UHMK1: variants seen among roughly 807,000 people sequenced by gnomAD.
UHMK1 encodes the protein serine/threonine-protein kinase Kist.
Under a neutral mutation model 44.0 loss-of-function variants are expected in UHMK1, and 18 were observed. The observed-to-expected ratio is 0.41, with a 90% CI of 0.28 to 0.61. The LOEUF (loss-of-function observed/expected upper bound fraction) is 0.61. Ranked by LOEUF, UHMK1 falls within the 20% of genes least tolerant of loss-of-function variation. UHMK1 has a pLI of 0.31. For synonymous variants in UHMK1, 231 were observed against 198.5 expected (o/e 1.16, Z -1.38); for missense variants, 463 against 522.5 (o/e 0.89, Z 1.11).
Position 162,523,306 on chromosome 1 carries a change from C to T in UHMK1, c.*756C>T, listed in dbSNP as rs565057090. On this transcript the variant is annotated 3_prime_UTR_variant, in exon 8 of 8. Coordinates refer to ENST00000489294, the MANE Select transcript of UHMK1 (RefSeq NM_175866.5). ...AATACAGTCTATACTTATTTCTTCC[C>T]TACCTGTTTCACATCCGTAAGATTT... 6.6e-6 allele frequency: 1 copy of T among 152,656 alleles called. No individual in the cohort carries two copies. The highest frequency in any genetic ancestry group is 2.1e-4 in the South Asian group (1 of 4,822). The allele number at this position is 152,656 out of a possible 1,614,324, so 9.5% of individuals were successfully genotyped here.
intron 3 of UHMK1, among the ~76,000 whole-genome samples, chr1:162,502,819 G>A (rs536897439): frequency 6.6e-6 from 1 of 152,254 alleles, no homozygotes; most frequent in Non-Finnish European, 1.5e-5. Flanking sequence ...CTAAGCCATA[G>A]TTTGCTTTCT....
At chr1:162,505,875 G>A (rs1651449434) in intron 4 of UHMK1, among the ~76,000 whole-genome samples, 1 of 152,110 alleles carries the variant, frequency 6.6e-6, no homozygotes, top group Non-Finnish European at 1.5e-5. Flanking sequence ...CAGACTCACA[G>A]GACTTTGCAA....
At position 162,512,881 on chromosome 1, in the gene UHMK1, CAT is replaced by C. The variant is rs768408172; in HGVS notation, c.1024+61_1024+62del. ...CTTTCTTAAATAAGTCTAGAATAAA[CAT>C]ATCCGTAACATTTTCATATTTCTCA... On this transcript the variant is annotated intron_variant, in intron 6 of 7. Transcript: ENST00000489294. The C allele has an allele frequency of 1.1e-4, 164 of 1,453,008 alleles. 1 individual carries two copies. The highest frequency in any genetic ancestry group is 1.1e-3 in the Middle Eastern group (6 of 5,688). 90.0% of individuals were successfully genotyped at this position (1,453,008 alleles called of 1,614,324 possible).
intron 7 of UHMK1, 116 bp from the exon 8 acceptor site, chr1:162,522,288 C>G (rs1306102222): frequency 8.8e-6 from 11 of 1,245,656 alleles, no homozygotes; most frequent in Non-Finnish European, 1.2e-5. Flanking sequence ...CCTAAGGAAG[C>G]AAAATCTGCA....
intron 1 of UHMK1, 30 bp downstream of exon 1, chr1:162,498,298 G>A: frequency 6.4e-7 from 1 of 1,559,140 alleles, no homozygotes; most frequent in Non-Finnish European, 8.7e-7. Context: ...TTCTCTTCTT[G>A]CCCAGGTCAC....
In UHMK1 at chr1:162,527,831, T is replaced by G. The variant is rs1346799528; in HGVS notation, c.*5281T>G. 2 of 152,048 alleles carry G rather than the reference T, an allele frequency of 1.3e-5. No homozygotes were observed. Among genetic ancestry groups the G allele is most frequent in the African/African-American group, 4.8e-5 (2 of 41,438 alleles). 9.4% of individuals were successfully genotyped at this position (152,048 alleles called of 1,614,324 possible). On this transcript the variant is annotated 3_prime_UTR_variant, in exon 8 of 8. Transcript: ENST00000489294. ...TTCTACTTATTTGTCTTATAAACCA[T>G]TAATCGTTTTTTGTGCAGAAGAGAG...
chr1:162,519,325 A>AC (rs1292902865), intron 7 of UHMK1, among the ~76,000 whole-genome samples: 2 of 151,648 alleles, frequency 1.3e-5, no homozygotes, highest in South Asian at 2.1e-4. Flanking sequence ...TAAAAAAAAA[A>AC]AAAACAGTAA....
chr1:162,499,504 TG>T (rs975890492), intron 1 of UHMK1, among the ~76,000 whole-genome samples: 67 of 152,258 alleles, frequency 4.4e-4, no homozygotes, highest in African/African-American at 1.5e-3. Context: ...ATGTTTAGTT[TG>T]GTTTTTGCGC....
chr1:162,503,080 C>T (rs947790406), intron 3 of UHMK1, among the ~76,000 whole-genome samples: 5 of 152,084 alleles, frequency 3.3e-5, no homozygotes, highest in Admixed American at 6.6e-5. Flanking sequence ...GCATCATATT[C>T]GCTTTGATAG....
chr1:162,512,586 GTATTCTTT>G lies in UHMK1; in HGVS notation c.925+15_925+22del, dbSNP rs1651704990. 1 of 1,608,022 alleles carries G rather than the reference GTATTCTTT, an allele frequency of 6.2e-7. No individual in the cohort carries two copies. Among genetic ancestry groups the G allele is most frequent in the East Asian group, 2.2e-5 (1 of 44,826 alleles). Reference sequence around the variant, plus strand: ...TTTAGCATTCCTTTTGGTAAGTTGTGTATTCTTTTATTTTTTTCTTGGTCATTTGACAG... The same window carrying G: ...TTTAGCATTCCTTTTGGTAAGTTGTGTATTTTTTTCTTGGTCATTTGACAG... On this transcript the variant is annotated intron_variant, in intron 5 of 7. Coordinates refer to ENST00000489294, the MANE Select transcript of UHMK1 (RefSeq NM_175866.5).
Position 162,512,793 on chromosome 1 carries a change from G to T in UHMK1, c.994G>T (p.Asp332Tyr). ...VLRLLNVLDD[D>Y]YLENEEEYED... ...AAGACTGCTGAATGTGCTGGATGAT[G>T]ATTATCTTGAGAATGAAGAGGAATA... Residue 332 changes from aspartate (D) to tyrosine (Y), a missense_variant, in exon 6 of 8, where the codon GAT becomes TAT. Coordinates refer to ENST00000489294, the MANE Select transcript of UHMK1 (RefSeq NM_175866.5). 1.2e-6 allele frequency: 2 copies of T among 1,614,086 alleles called. No individual in the cohort carries two copies. Among genetic ancestry groups the T allele is most frequent in the South Asian group, 2.2e-5 (2 of 91,072 alleles).
rs577834976 is a variant in UHMK1, at chr1:162,523,643, A to C, written c.*1093A>C. The C allele has an allele frequency of 2.6e-5, 4 of 152,458 alleles. No individual in the cohort carries two copies. The highest frequency in any genetic ancestry group is 9.7e-5 in the African/African-American group (4 of 41,442). 9.4% of individuals were successfully genotyped at this position (152,458 alleles called of 1,614,324 possible). A position where few individuals can be genotyped will look rare whatever the true frequency, so the allele number is the denominator to read the frequency against. ...ATGTACAGTGAAGGGAAAAGAAAAA[A>C]AATGGGCGAAGAGAGGGTGGAAAAT... On this transcript the variant is annotated 3_prime_UTR_variant, in exon 8 of 8. Transcript: ENST00000489294.
chr1:162,497,833 C>G lies in UHMK1; in HGVS notation c.-168C>G, dbSNP rs1420155348. On this transcript the variant is annotated 5_prime_UTR_variant, in exon 1 of 8. Transcript: ENST00000489294. ...TCCGGCTTCTGGGACTCGGGTGCAC[C>G]ACGGCTTCCGGTGTCATGGCTGCTT... The G allele has an allele frequency of 2.2e-6, 3 of 1,354,920 alleles. No individual in the cohort carries two copies. 83.9% of individuals were successfully genotyped at this position (1,354,920 alleles called of 1,614,324 possible).
intron 4 of UHMK1, among the ~76,000 whole-genome samples, chr1:162,511,832 T>G (rs182318516): frequency 6.6e-6 from 1 of 152,322 alleles, no homozygotes; most frequent in East Asian, 1.9e-4. Context: ...CCAGCACCGT[T>G]TATTGAAAAT....
intron 4 of UHMK1, among the ~76,000 whole-genome samples, chr1:162,505,871 C>CA (rs1482775133): frequency 6.6e-6 from 1 of 152,106 alleles, no homozygotes; most frequent in East Asian, 1.9e-4. Context: ...GTTACAGACT[C>CA]ACAGGACTTT....
intron 4 of UHMK1, among the ~76,000 whole-genome samples, chr1:162,509,530 A>AT (rs202057112): frequency 6.6e-6 from 1 of 151,656 alleles, no homozygotes; most frequent in East Asian, 1.9e-4. Flanking sequence ...GTTTGGGTTT[A>AT]TTTTTTTTCT....
chr1:162,529,185 A>T lies in UHMK1; in HGVS notation c.*6635A>T, dbSNP rs1652359472. Reference sequence around the variant, plus strand: ...TTTCTACCAGTTGTTTCAGTAGCATATTGGTCTTGGCATTTCTTGGCACTG... The same window carrying T: ...TTTCTACCAGTTGTTTCAGTAGCATTTTGGTCTTGGCATTTCTTGGCACTG... On this transcript the variant is annotated 3_prime_UTR_variant, in exon 8 of 8. Transcript: ENST00000489294. The T allele has an allele frequency of 6.6e-6, 1 of 151,876 alleles. No individual in the cohort carries two copies. Among genetic ancestry groups the T allele is most frequent in the African/African-American group, 2.4e-5 (1 of 41,366 alleles). The allele number at this position is 151,876 out of a possible 1,614,324, so 9.4% of individuals were successfully genotyped here. A position where few individuals can be genotyped will look rare whatever the true frequency, so the allele number is the denominator to read the frequency against.
rs1652313530 is a variant in UHMK1 at position 162,528,162 on chromosome 1, C to G, written c.*5612C>G. The G allele has an allele frequency of 6.6e-6, 1 of 151,766 alleles. No homozygotes were observed. The highest frequency in any genetic ancestry group is 1.5e-5 in the Non-Finnish European group (1 of 67,912). 9.4% of individuals were successfully genotyped at this position (151,766 alleles called of 1,614,324 possible). On this transcript the variant is annotated 3_prime_UTR_variant, in exon 8 of 8. Transcript: ENST00000489294. ...TCCTGCATATATGGACTCAAAAGTT[C>G]TTTAGTTATTTGAATTATATATAGC...
At chr1:162,514,243 T>G (rs1453163333) in intron 6 of UHMK1, among the ~76,000 whole-genome samples, 1 of 150,950 alleles carries the variant, frequency 6.6e-6, no homozygotes, top group Non-Finnish European at 1.5e-5. Context: ...GACCCGAGAT[T>G]GCACCACTGC....
Sources: allele counts gnomAD v4.1 joint callset (sites outside exome capture counted in the v4.1 genomes callset), GRCh38; gene constraint gnomAD v4.1.1; transcripts MANE v1.5; gene names NCBI Gene and HGNC (gene_info 2026-07-23, HGNC 2026-07-21).